The following RASA1 variants were observed in gnomAD, a reference collection of about 807,000 sequenced individuals.
RASA1 encodes ras GTPase-activating protein 1.
RASA1 carries 25 observed loss-of-function variants against 132.2 expected under a neutral mutation model. The observed-to-expected ratio is 0.19, with a 90% CI of 0.14 to 0.26. The LOEUF is 0.26. Ranked by LOEUF, RASA1 falls within the 10% of genes least tolerant of loss-of-function variation. The probability of loss-of-function intolerance (pLI) is 1.00; values close to 1 mark genes in which losing one functional copy is unlikely to be tolerated. For missense variants in RASA1, 964 were observed against 1,299.2 expected, an observed-to-expected ratio of 0.74 and a Z score of 3.97; for synonymous variants, 477 against 449.9, an observed-to-expected ratio of 1.06 and a Z score of -0.76.
intron 1 of RASA1, among the ~76,000 whole-genome samples, chr5:87,311,745 G>A (rs1251705978): frequency 1.3e-5 from 2 of 152,156 alleles, no homozygotes; most frequent in African/African-American, 2.4e-5. Context: ...TGCCCACGTC[G>A]CTGACTTTAG....
chr5:87,347,549 G>A (rs1758950832), intron 7 of RASA1, among the ~76,000 whole-genome samples: 1 of 151,912 alleles, frequency 6.6e-6, no homozygotes, highest in Non-Finnish European at 1.5e-5. Flanking sequence ...TATATTTGGT[G>A]AAATAGATTC....
intron 1 of RASA1, among the ~76,000 whole-genome samples, chr5:87,284,332 C>A (rs147570578): frequency 6.6e-6 from 1 of 152,194 alleles, no homozygotes; most frequent in Non-Finnish European, 1.5e-5. Flanking sequence ...AGGTTGCTTT[C>A]TCTCTCTATA....
chr5:87,389,103 TA>T (rs1159851285), intron 23 of RASA1, among the ~76,000 whole-genome samples: 3 of 152,200 alleles, frequency 2.0e-5, no homozygotes, highest in East Asian at 1.9e-4. Flanking sequence ...ATTTGAGTAT[TA>T]AAAAAATTAT....
At chr5:87,369,439 TAGAACATTTTTGGTCTA>T (rs1760766265) in intron 11 of RASA1, among the ~76,000 whole-genome samples, 2 of 152,178 alleles carry the variant, frequency 1.3e-5, no homozygotes, top group South Asian at 4.1e-4. Flanking sequence ...GATAATTACT[TAGAACATTTTTGGTCTA>T]AGAACATTTC....
chr5:87,347,855 CT>C (rs1758972753), intron 7 of RASA1, among the ~76,000 whole-genome samples: 1 of 151,914 alleles, frequency 6.6e-6, no homozygotes, highest in Admixed American at 6.6e-5. Context: ...GGATATGTTT[CT>C]TTTTTGGAAC....
intron 1 of RASA1, among the ~76,000 whole-genome samples, chr5:87,300,154 G>A (rs886504499): frequency 7.9e-5 from 12 of 152,120 alleles, no homozygotes; most frequent in Admixed American, 3.9e-4. Flanking sequence ...AGGATTGCAT[G>A]AGCCCGGGAG....
chr5:87,324,566 T>C (rs1395638041), intron 1 of RASA1, among the ~76,000 whole-genome samples: 1 of 152,228 alleles, frequency 6.6e-6, no homozygotes, highest in African/African-American at 2.4e-5. Flanking sequence ...TCTGTAAATA[T>C]GTTACCTGTT....
chr5:87,380,357 AAAT>A (rs1761622941), intron 19 of RASA1, 149 bp from the exon 20 acceptor site: 1 of 709,942 alleles, frequency 1.4e-6, no homozygotes, highest in South Asian at 1.6e-5. Context: ...ACCCCTTGCT[AAAT>A]GCCTCATTAC....
chr5:87,358,563 C>T lies in RASA1; in HGVS notation c.1333-3988C>T, dbSNP rs138903359. The stretch of plus-strand genomic sequence containing the variant: ...AGAATCTGCCTTCATCTCCTAGTTT[C>T]TAGCTTTGTCCCCTTATGCTGCATG... On this transcript the variant is annotated intron_variant, in intron 9 of 24. Coordinates refer to ENST00000274376, the MANE Select transcript of RASA1 (RefSeq NM_002890.3). Among the ~76,000 whole-genome samples the T allele has an allele frequency of 1.8e-4, 27 of 152,336 alleles. No individual in the cohort carries two copies. In the East Asian group the frequency reaches 4.6e-3, roughly 26 times the overall value.
chr5:87,273,363 A>C (rs1040907509), intron 1 of RASA1, among the ~76,000 whole-genome samples: 5 of 152,202 alleles, frequency 3.3e-5, no homozygotes, highest in African/African-American at 1.2e-4. Context: ...CTACTATAAA[A>C]GTTTCTATAT....
chr5:87,334,435 C>T (rs1301123216), intron 4 of RASA1, among the ~76,000 whole-genome samples: 1 of 152,126 alleles, frequency 6.6e-6, no homozygotes, highest in East Asian at 1.9e-4. Context: ...TAATCTTATC[C>T]AGAAACACCC....
At chr5:87,287,647 T>C (rs1035509421) in intron 1 of RASA1, among the ~76,000 whole-genome samples, 18 of 148,448 alleles carry the variant, frequency 1.2e-4, no homozygotes, top group Non-Finnish European at 1.8e-4. Context: ...ATATACCATA[T>C]ATATACACGC....
At chr5:87,320,550 G>C (rs753560289) in intron 1 of RASA1, among the ~76,000 whole-genome samples, 2 of 151,794 alleles carry the variant, frequency 1.3e-5, no homozygotes, top group African/African-American at 2.4e-5. Flanking sequence ...AGGAGACAGA[G>C]AGAGTAAAGT....
chr5:87,386,348 T>C (rs1276057433), intron 22 of RASA1, among the ~76,000 whole-genome samples: 1 of 152,104 alleles, frequency 6.6e-6, no homozygotes, highest in Non-Finnish European at 1.5e-5. Flanking sequence ...GCCTAGGTTT[T>C]GAATTCATCT....
At position 87,268,117 on chromosome 5, in the gene RASA1, G is replaced by T. The variant is rs963704377; in HGVS notation, c.-335G>T. ...GGTAGCAGCCTCAGCCTCTTTCCCT[G>T]TGCTTCCTTTCCTCTTTAGTGCAGC... is the stretch of plus-strand genomic sequence containing the variant. On this transcript the variant is annotated 5_prime_UTR_variant, in exon 1 of 25. Transcript: ENST00000274376. 1 of 422,610 alleles carries T rather than the reference G, an allele frequency of 2.4e-6. No homozygotes were observed. Among genetic ancestry groups the T allele is most frequent in the Admixed American group, 3.9e-5 (1 of 25,396 alleles). The allele number at this position is 422,610 out of a possible 1,614,324, so 26.2% of individuals were successfully genotyped here.
intron 1 of RASA1, chr5:87,269,373 A>AT: frequency 6.9e-7 from 1 of 1,448,258 alleles, no homozygotes; most frequent in Non-Finnish European, 9.4e-7. Context: ...ATAAAGCTAG[A>AT]TGATTAGTGA....
chr5:87,371,761 A>G (rs1304695286), intron 12 of RASA1, among the ~76,000 whole-genome samples: 1 of 152,140 alleles, frequency 6.6e-6, no homozygotes, highest in Non-Finnish European at 1.5e-5. Flanking sequence ...TGCCTCAAGT[A>G]TAACAGCTTA....
intron 1 of RASA1, among the ~76,000 whole-genome samples, chr5:87,290,953 A>G (rs967400450): frequency 2.6e-5 from 4 of 152,194 alleles, no homozygotes; most frequent in African/African-American, 7.2e-5. Context: ...AGAAGTTTTC[A>G]ATTTATTGGG....
chr5:87,364,808 A>G (rs1580359400), intron 11 of RASA1, among the ~76,000 whole-genome samples: 1 of 152,144 alleles, frequency 6.6e-6, no homozygotes, highest in East Asian at 1.9e-4. Context: ...TCTTGAAAAC[A>G]TTCTGTTGAG....
Sources: gnomAD v4.1 joint callset for allele counts (sites outside exome capture counted in the v4.1 genomes callset) on GRCh38, gnomAD v4.1.1 for gene constraint, MANE v1.5 for transcripts, NCBI Gene and HGNC (gene_info 2026-07-23, HGNC 2026-07-21) for gene names.